Variants in FAM117A observed in about 807,000 individuals in gnomAD.
FAM117A encodes the protein protein FAM117A.
A neutral mutation model predicts 44.1 loss-of-function variants in FAM117A; 21 were observed. The ratio of observed to expected loss-of-function variants is 0.48; its 90% CI spans 0.34 to 0.69. FAM117A has a LOEUF of 0.69. Ranked by LOEUF, FAM117A falls within the 30% of genes least tolerant of loss-of-function variation. The pLI is 0.01. For missense variants in FAM117A, 498 were observed against 589.9 expected (o/e 0.84, Z 1.61); for synonymous variants, 220 against 238.3 (o/e 0.92, Z 0.71).
In FAM117A at chr17:49,764,113, C is replaced by T. The variant is rs772431202; in HGVS notation, c.-26G>A. The stretch of plus-strand genomic sequence containing the variant: ...GGCTCTCCCGGCTGCCTGCCTCAGC[C>T]CCACTGCGAGACTCACACAGCCCCC... On this transcript the variant is annotated 5_prime_UTR_variant, in exon 1 of 8. Transcript: ENST00000240364. 3 of 1,226,118 alleles carry T rather than the reference C, an allele frequency of 2.4e-6. No homozygotes were observed. Among genetic ancestry groups the T allele is most frequent in the African/African-American group, 1.6e-5 (1 of 64,442 alleles). The allele number at this position is 1,226,118 out of a possible 1,614,324, so 76.0% of individuals were successfully genotyped here. A position where few individuals can be genotyped will look rare whatever the true frequency, so the allele number is the denominator to read the frequency against.
chr17:49,753,846 A>T (rs2073686898), intron 1 of FAM117A, among the ~76,000 whole-genome samples: 1 of 152,182 alleles, frequency 6.6e-6, no homozygotes, highest in Non-Finnish European at 1.5e-5. Flanking sequence ...TTCCCTGAAA[A>T]ATACAGGTGA....
chr17:49,710,953 T>G lies in FAM117A; in HGVS notation c.*302A>C. 3.2e-6 allele frequency: 1 copy of G among 308,656 alleles called. No homozygotes were observed. The allele number at this position is 308,656 out of a possible 1,614,324, so 19.1% of individuals were successfully genotyped here. Reference sequence around the variant, plus strand: ...GGGCCTCCTATACAGTCATTTGGACTGACACCCAGGGGTGGGGGACTCAAG... The same window carrying G: ...GGGCCTCCTATACAGTCATTTGGACGGACACCCAGGGGTGGGGGACTCAAG... On this transcript the variant is annotated 3_prime_UTR_variant, in exon 8 of 8. Coordinates refer to ENST00000240364, the MANE Select transcript of FAM117A (RefSeq NM_030802.4).
chr17:49,726,618 A>G (rs148587798), intron 2 of FAM117A, among the ~76,000 whole-genome samples: 2 of 152,264 alleles, frequency 1.3e-5, no homozygotes, highest in East Asian at 1.9e-4. Context: ...CCAGTGCCCA[A>G]GGTTAGATAG....
chr17:49,719,975 C>A, intron 4 of FAM117A, 81 bp from the exon 5 acceptor site: 1 of 1,513,396 alleles, frequency 6.6e-7, no homozygotes, highest in Non-Finnish European at 8.8e-7. Flanking sequence ...GGGTAATGGT[C>A]ATGTCCACAC....
chr17:49,789,034 G>A (rs1198661539), upstream of FAM117A: 3 of 462,076 alleles, frequency 6.5e-6, no homozygotes, highest in African/African-American at 6.1e-5. Flanking sequence ...CTCGGCCTAT[G>A]CTTGCAACTA....
chr17:49,768,058 A>G (rs192385468), upstream of FAM117A, among the ~76,000 whole-genome samples: 8 of 152,314 alleles, frequency 5.3e-5, no homozygotes, highest in African/African-American at 1.9e-4. Context: ...AATGTCAGAA[A>G]TAAATGAGAA....
chr17:49,769,227 G>A (rs778812495), intron 1 of FAM117A, among the ~76,000 whole-genome samples: 2 of 151,930 alleles, frequency 1.3e-5, no homozygotes, highest in Non-Finnish European at 2.9e-5. Context: ...CCCGGGAGGC[G>A]GAGGCTGCAG....
intron 1 of FAM117A, among the ~76,000 whole-genome samples, chr17:49,738,429 G>C (rs2073619742): frequency 6.6e-6 from 1 of 152,202 alleles, no homozygotes; most frequent in Non-Finnish European, 1.5e-5. Flanking sequence ...GGGAAAAAAG[G>C]AGGGAGGGGA....
At chr17:49,772,883 C>A (rs2073765274) in intron 1 of FAM117A, among the ~76,000 whole-genome samples, 1 of 152,060 alleles carries the variant, frequency 6.6e-6, no homozygotes, top group Non-Finnish European at 1.5e-5. Context: ...TGAAAAATAT[C>A]ATTTATGGCC....
At chr17:49,749,648 G>T (rs1273471952) in intron 1 of FAM117A, among the ~76,000 whole-genome samples, 1 of 147,012 alleles carries the variant, frequency 6.8e-6, no homozygotes, top group Non-Finnish European at 1.5e-5. Context: ...TTAGTCTAAG[G>T]AAGCACTTTC....
chr17:49,712,239 G>A (rs943908417), intron 7 of FAM117A, among the ~76,000 whole-genome samples: 1 of 152,248 alleles, frequency 6.6e-6, no homozygotes, highest in African/African-American at 2.4e-5. Flanking sequence ...AGTGACTAAA[G>A]TGGGGTTTCT....
At chr17:49,746,793 G>A (rs1039409830) in intron 1 of FAM117A, among the ~76,000 whole-genome samples, 1 of 152,220 alleles carries the variant, frequency 6.6e-6, no homozygotes, top group Non-Finnish European at 1.5e-5. Context: ...TCCCAAGGGG[G>A]AAGGAAAATG....
intron 1 of FAM117A, among the ~76,000 whole-genome samples, chr17:49,760,989 T>C (rs1353207248): frequency 1.3e-5 from 2 of 152,216 alleles, no homozygotes; most frequent in Non-Finnish European, 2.9e-5. Context: ...AAGCCATTCC[T>C]CATTTTACGA....
chr17:49,749,342 C>CT (rs757879237), intron 1 of FAM117A, among the ~76,000 whole-genome samples: 4 of 151,892 alleles, frequency 2.6e-5, no homozygotes, highest in Non-Finnish European at 4.4e-5. Flanking sequence ...CTTTGGGAGG[C>CT]AAGGTGGGCG....
chr17:49,786,930 A>G (rs2073813056), intron 1 of FAM117A, among the ~76,000 whole-genome samples: 1 of 151,728 alleles, frequency 6.6e-6, no homozygotes, highest in African/African-American at 2.4e-5. Context: ...CAAAAAATAC[A>G]AAAATTAGCC....
rs150602105 is a variant in FAM117A, at chr17:49,783,621, A to G, written c.-621+4876T>C. ...GTAAGAGAAGCTCCAGGCCATCTCCAGCAAGAGTAAAGAAGAAGGGCCTAT... is the reference window on the plus strand; with the variant it reads ...GTAAGAGAAGCTCCAGGCCATCTCCGGCAAGAGTAAAGAAGAAGGGCCTAT... On this transcript the variant is annotated intron_variant, in intron 1 of 7. Coordinates refer to the FAM117A transcript ENST00000513602. Among the ~76,000 whole-genome samples, 239 of 152,324 alleles carry G rather than the reference A, an allele frequency of 1.6e-3. 1 individual carries two copies. Among genetic ancestry groups the G allele is most frequent in the African/African-American group, 5.2e-3 (215 of 41,574 alleles).
At chr17:49,714,394 G>C (rs920981627) in intron 7 of FAM117A, among the ~76,000 whole-genome samples, 14 of 149,444 alleles carry the variant, frequency 9.4e-5, no homozygotes, top group Admixed American at 6.7e-5. Flanking sequence ...CTGAAGTGTA[G>C]TGGTGCGATC....
At chr17:49,774,679 C>T (rs1353979092) in intron 1 of FAM117A, among the ~76,000 whole-genome samples, 2 of 152,100 alleles carry the variant, frequency 1.3e-5, no homozygotes, top group African/African-American at 4.8e-5. Flanking sequence ...TCCTTGTCAG[C>T]AACTAGCACA....
At position 49,750,411 on chromosome 17, in the gene FAM117A, CCA is replaced by C. The variant is rs1453658635; in HGVS notation, c.196+13479_196+13480del. On this transcript the variant is annotated intron_variant, in intron 1 of 7. Transcript: ENST00000240364. ...GGAGGCATGCTATTTGGTGATGGTT[CCA>C]CAGCTCTGTTCCTTTTTCTTTGCCA... 1.3e-5 allele frequency among the ~76,000 whole-genome samples: 2 copies of C among 148,934 alleles called. 1 individual carries two copies. Among genetic ancestry groups the C allele is most frequent in the Non-Finnish European group, 3.0e-5 (2 of 66,104 alleles).
Sources: allele counts gnomAD v4.1 joint callset (sites outside exome capture counted in the v4.1 genomes callset), GRCh38; gene constraint gnomAD v4.1.1; transcripts MANE v1.5; gene names NCBI Gene and HGNC (gene_info 2026-07-23, HGNC 2026-07-21).